The following KIAA1958 variants were observed in gnomAD, a reference collection of about 807,000 sequenced individuals.
The protein encoded by KIAA1958 is KIAA1958, also known as uncharacterized protein KIAA1958.
Under a neutral mutation model 47.2 loss-of-function variants are expected in KIAA1958, and 14 were observed. The ratio of observed to expected loss-of-function variants is 0.30; its 90% CI spans 0.20 to 0.46. The LOEUF (loss-of-function observed/expected upper bound fraction) is 0.46, where lower values mean the gene tolerates loss of function less well. Ranked by LOEUF, KIAA1958 falls within the 20% of genes least tolerant of loss-of-function variation. KIAA1958 has a pLI of 1.00. For missense variants in KIAA1958, 803 were observed against 909.2 expected (o/e 0.88, Z 1.50); for synonymous variants, 354 against 353.3 (o/e 1.00, Z -0.02).
rs1835323802 is a variant in KIAA1958, at chr9:112,561,238, T to C, written c.-24-12819T>C. Among the ~76,000 whole-genome samples, 4 of 152,014 alleles carry C rather than the reference T, an allele frequency of 2.6e-5. No individual in the cohort carries two copies. The South Asian group carries it at 8.3e-4, about 32-fold the overall frequency. On this transcript the variant is annotated intron_variant, in intron 1 of 3. Coordinates refer to ENST00000337530, the MANE Select transcript of KIAA1958 (RefSeq NM_133465.4). ...CCCGGCTAATTTTTTGTATTTTTAG[T>C]AGAGACGGGGTTTCACCGTGTTAGC...
intron 2 of KIAA1958, among the ~76,000 whole-genome samples, chr9:112,638,588 C>T (rs1273073928): frequency 6.6e-6 from 1 of 151,966 alleles, no homozygotes; most frequent in Non-Finnish European, 1.5e-5. Flanking sequence ...TTTAGTTTTC[C>T]TTGTATTTAT....
At position 112,574,850 on chromosome 9, in the gene KIAA1958, C is replaced by T; in HGVS notation, c.770C>T (p.Thr257Ile). The change falls in exon 2 of 4, where the codon ACA becomes ATA. Residue 257 changes from threonine to isoleucine, a missense_variant. By Grantham distance (89) the Thr-to-Ile change is moderately conservative. Transcript: ENST00000337530. The part of the protein sequence containing the change: ...VGSAKLIPHV[T>I]SAISTELDPH... ...TCTGCTAAACTGATTCCCCATGTCA[C>T]ATCTGCCATCAGCACGGAGCTAGAC... 6.2e-7 allele frequency: 1 copy of T among 1,614,180 alleles called. No individual in the cohort carries two copies. Among genetic ancestry groups the T allele is most frequent in the Non-Finnish European group, 8.5e-7 (1 of 1,180,028 alleles).
rs145081151 is a variant in KIAA1958 at position 112,632,713 on chromosome 9, T to A, written c.1172-12937T>A. Among the ~76,000 whole-genome samples the A allele has an allele frequency of 5.3e-5, 8 of 152,284 alleles. No homozygotes were observed. In the East Asian group the frequency reaches 1.5e-3, roughly 29 times the overall value. On this transcript the variant is annotated intron_variant, in intron 2 of 3. Coordinates refer to ENST00000337530, the MANE Select transcript of KIAA1958 (RefSeq NM_133465.4). ...TTGGTTTGTAGGAGCTTTTCATATG[T>A]CCTTGGTTTATGTTTTATAAGTATT...
In KIAA1958 at chr9:112,488,902, A is replaced by G. The variant is rs116357267; in HGVS notation, c.-25+1784A>G. On this transcript the variant is annotated intron_variant, in intron 1 of 3. Transcript: ENST00000337530. Reference sequence around the variant, plus strand: ...ACAGATTAATATTATTGCATGCCTAATTTTGTAAATGCCTGGAGCGTAGAT... The same window carrying G: ...ACAGATTAATATTATTGCATGCCTAGTTTTGTAAATGCCTGGAGCGTAGAT... Among the ~76,000 whole-genome samples the G allele has an allele frequency of 4.2e-3, 634 of 152,308 alleles. 4 individuals carry two copies. Among genetic ancestry groups the G allele is most frequent in the African/African-American group, 0.014 (597 of 41,542 alleles).
At chr9:112,561,056 A>ATTT (rs201349723) in intron 1 of KIAA1958, among the ~76,000 whole-genome samples, 2,832 of 141,092 alleles carry the variant, frequency 0.02, 56 homozygotes, top group Non-Finnish European at 0.025. Context: ...TGTCTTTGCA[A>ATTT]TTTTTTTTTT....
At chr9:112,584,207 G>A (rs566639573) in intron 2 of KIAA1958, among the ~76,000 whole-genome samples, 6 of 152,184 alleles carry the variant, frequency 3.9e-5, no homozygotes, top group African/African-American at 1.4e-4. Context: ...GGTGACTGTG[G>A]CAAGTTACTT....
intron 1 of KIAA1958, among the ~76,000 whole-genome samples, chr9:112,549,337 C>T (rs1481755737): frequency 3.9e-5 from 6 of 152,190 alleles, no homozygotes; most frequent in Non-Finnish European, 5.9e-5. Flanking sequence ...TATAACTCTC[C>T]GTACTATTAC....
chr9:112,505,116 T>C (rs1054909865), intron 1 of KIAA1958, among the ~76,000 whole-genome samples: 2 of 152,236 alleles, frequency 1.3e-5, no homozygotes, highest in African/African-American at 4.8e-5. Context: ...GTTTTTTAGC[T>C]TCCATGTATA....
intron 1 of KIAA1958, among the ~76,000 whole-genome samples, chr9:112,554,154 G>T (rs1351427302): frequency 6.6e-6 from 1 of 152,220 alleles, no homozygotes; most frequent in East Asian, 1.9e-4. Context: ...ATAGAGGTAT[G>T]TAAAAAACCG....
At chr9:112,537,817 T>C (rs1160475281) in intron 1 of KIAA1958, among the ~76,000 whole-genome samples, 1 of 152,190 alleles carries the variant, frequency 6.6e-6, no homozygotes, top group African/African-American at 2.4e-5. Flanking sequence ...TCAGATAATA[T>C]TTAGAGCAGG....
At chr9:112,572,047 G>A (rs1293552579) in intron 1 of KIAA1958, among the ~76,000 whole-genome samples, 1 of 152,014 alleles carries the variant, frequency 6.6e-6, no homozygotes, top group African/African-American at 2.4e-5. Context: ...TGAGACCACA[G>A]GAGCAGTTCC....
intron 3 of KIAA1958, among the ~76,000 whole-genome samples, chr9:112,654,319 C>T (rs2131250140): frequency 6.6e-6 from 1 of 152,278 alleles, no homozygotes; most frequent in South Asian, 2.1e-4. Context: ...TTGCAGAAAC[C>T]ATCACATTAG....
At chr9:112,658,998 C>A (rs577418354) in intron 3 of KIAA1958, among the ~76,000 whole-genome samples, 1 of 114,442 alleles carries the variant, frequency 8.7e-6, no homozygotes, top group Non-Finnish European at 1.6e-5. Context: ...CCAGCCTGGG[C>A]GACAGAGCAA....
In KIAA1958 at chr9:112,593,020, C is replaced by T. The variant is rs1835949866; in HGVS notation, c.1171+17769C>T. Reference sequence around the variant, plus strand: ...TAGAAAAAGGTTGACAAGGATCACACTAAATAGTTTATGGTAGTTACTCCT... The same window carrying T: ...TAGAAAAAGGTTGACAAGGATCACATTAAATAGTTTATGGTAGTTACTCCT... On this transcript the variant is annotated intron_variant, in intron 2 of 3. Transcript: ENST00000337530. Among the ~76,000 whole-genome samples, 2 of 152,138 alleles carry T rather than the reference C, an allele frequency of 1.3e-5. 1 individual carries two copies. The highest frequency in any genetic ancestry group is 1.3e-4 in the Admixed American group (2 of 15,274).
chr9:112,634,120 A>T (rs900172746), intron 2 of KIAA1958, among the ~76,000 whole-genome samples: 1 of 152,168 alleles, frequency 6.6e-6, no homozygotes, highest in Admixed American at 6.5e-5. Flanking sequence ...GTTGCTCCAT[A>T]TCTTCACTAT....
chr9:112,543,351 C>T (rs1258060925), intron 1 of KIAA1958, among the ~76,000 whole-genome samples: 1 of 152,054 alleles, frequency 6.6e-6, no homozygotes. Flanking sequence ...TATGGGCACT[C>T]AGAAGTAACC....
At chr9:112,512,386 A>T (rs55912580) in intron 1 of KIAA1958, among the ~76,000 whole-genome samples, 3 of 152,194 alleles carry the variant, frequency 2.0e-5, no homozygotes, top group Non-Finnish European at 2.9e-5. Flanking sequence ...CAGGCTAAAA[A>T]AGAAAACCAT....
At chr9:112,592,844 C>T (rs541845663) in intron 2 of KIAA1958, among the ~76,000 whole-genome samples, 174 of 152,220 alleles carry the variant, frequency 1.1e-3, no homozygotes, top group African/African-American at 3.9e-3. Flanking sequence ...AATGGGACAA[C>T]GGAATACCAT....
At chr9:112,515,894 T>TAAAAAAAAAAAAAAAA (rs58492221) in intron 1 of KIAA1958, among the ~76,000 whole-genome samples, 3 of 97,116 alleles carry the variant, frequency 3.1e-5, no homozygotes, top group Non-Finnish European at 5.9e-5. Flanking sequence ...AAAAATAAAT[T>TAAAAAAAAAAAAAAAA]AAAAAAAAAA....
Sources: gnomAD v4.1 joint callset for allele counts (sites outside exome capture counted in the v4.1 genomes callset) on GRCh38, gnomAD v4.1.1 for gene constraint, MANE v1.5 for transcripts, NCBI Gene and HGNC (gene_info 2026-07-23, HGNC 2026-07-21) for gene names.